The following LSM12 variants were observed in gnomAD, a reference collection of about 807,000 sequenced individuals.
LSM12 encodes protein LSM12.
For synonymous variants in LSM12, 74 were observed against 87.3 expected (o/e 0.85, Z 0.85); for missense variants, 108 against 238.9 (o/e 0.45, Z 3.61).
At chr17:44,060,730 T>C (rs1461041113) in intron 2 of LSM12, among the ~76,000 whole-genome samples, 1 of 152,156 alleles carries the variant, frequency 6.6e-6, no homozygotes, top group Non-Finnish European at 1.5e-5. Flanking sequence ...ACAATGCTAG[T>C]AAACAAGGAA....
At chr17:44,063,967 G>A in intron 1 of LSM12, 33 bp from the exon 2 acceptor site, 1 of 1,607,260 alleles carries the variant, frequency 6.2e-7, no homozygotes, top group Non-Finnish European at 8.5e-7. Context: ...AGGAAAAATA[G>A]GACAAGCAGA....
At chr17:44,045,432 G>A (rs1204445321) in intron 2 of LSM12, among the ~76,000 whole-genome samples, 1 of 152,110 alleles carries the variant, frequency 6.6e-6, no homozygotes, top group Non-Finnish European at 1.5e-5. Flanking sequence ...ACATTTCTGA[G>A]GTTCATCCAT....
intron 2 of LSM12, among the ~76,000 whole-genome samples, chr17:44,046,031 G>A (rs2049559359): frequency 6.7e-6 from 1 of 149,918 alleles, no homozygotes; most frequent in African/African-American, 2.5e-5. Flanking sequence ...CCGCCTCCTG[G>A]GTTCACGCCA....
intron 2 of LSM12, among the ~76,000 whole-genome samples, chr17:44,053,989 G>A (rs1316230350): frequency 1.3e-5 from 2 of 152,114 alleles, no homozygotes; most frequent in Non-Finnish European, 2.9e-5. Context: ...CTGTCTCCAC[G>A]TCAAGGGTAG....
chr17:44,043,946 C>G (rs900071510), intron 2 of LSM12, among the ~76,000 whole-genome samples: 1 of 152,108 alleles, frequency 6.6e-6, no homozygotes, highest in African/African-American at 2.4e-5. Flanking sequence ...AAACCTCAAT[C>G]CCCTTTAAAA....
chr17:44,058,986 G>T (rs1440680557), intron 2 of LSM12, among the ~76,000 whole-genome samples: 1 of 152,028 alleles, frequency 6.6e-6, no homozygotes, highest in African/African-American at 2.4e-5. Context: ...CCTGGGCACA[G>T]TGCGAGACTA....
At chr17:44,051,389 CAAAA>C (rs57974319) in intron 2 of LSM12, among the ~76,000 whole-genome samples, 5 of 114,954 alleles carry the variant, frequency 4.3e-5, no homozygotes, top group African/African-American at 2.0e-4. Context: ...GACTCCGTCT[CAAAA>C]AAAAAAAAAA....
intron 2 of LSM12, among the ~76,000 whole-genome samples, chr17:44,055,713 A>AATATATATATATAATATATAAT (rs2049704245): frequency 6.9e-6 from 1 of 145,164 alleles, no homozygotes; most frequent in African/African-American, 2.5e-5. Flanking sequence ...TAATATATAA[A>AATATATATATATAATATATAAT]ATATATATAA....
chr17:44,039,112 A>G (rs1426076162), intron 3 of LSM12, among the ~76,000 whole-genome samples: 1 of 152,096 alleles, frequency 6.6e-6, no homozygotes, highest in Non-Finnish European at 1.5e-5. Flanking sequence ...CTGGAATGCA[A>G]TGCACAATCT....
intron 2 of LSM12, among the ~76,000 whole-genome samples, chr17:44,062,302 C>T (rs2049808212): frequency 6.6e-6 from 1 of 151,964 alleles, no homozygotes; most frequent in Non-Finnish European, 1.5e-5. Context: ...AAAAGCATTC[C>T]CCTTTACTCT....
At chr17:44,064,565 A>T (rs367645027) in intron 1 of LSM12, among the ~76,000 whole-genome samples, 21 of 150,904 alleles carry the variant, frequency 1.4e-4, no homozygotes, top group African/African-American at 5.2e-4. Context: ...AAACCCCGTC[A>T]CTACCAAAAA....
chr17:44,066,693 C>T (rs1250848023), upstream of LSM12: 1 of 1,228,882 alleles, frequency 8.1e-7, no homozygotes, highest in Non-Finnish European at 1.0e-6. Context: ...GTGCTTGCGT[C>T]ACACGCCGGG....
At position 44,037,600 on chromosome 17, in the gene LSM12, G is replaced by C. The variant is rs141615861; in HGVS notation, c.369-62C>G. On this transcript the variant is annotated intron_variant, in intron 3 of 4. Transcript: ENST00000293406. ...TGGGGGCATCCCACATCTCCTGTCT[G>C]ATGAATAAATAACTCCAGAAGGCTG... 307 of 1,508,952 alleles carry C rather than the reference G, an allele frequency of 2.0e-4. 2 individuals carry two copies. In the East Asian group the frequency reaches 7.4e-3, roughly 36 times the overall value. 93.5% of individuals were successfully genotyped at this position (1,508,952 alleles called of 1,614,324 possible).
At chr17:44,059,935 C>A (rs979959545) in intron 2 of LSM12, among the ~76,000 whole-genome samples, 3 of 152,054 alleles carry the variant, frequency 2.0e-5, no homozygotes, top group African/African-American at 7.2e-5. Context: ...GAGGCCGAGG[C>A]GGGCGGATCA....
At chr17:44,067,291 C>T (rs1036847994), upstream of LSM12, among the ~76,000 whole-genome samples, 1 of 152,190 alleles carries the variant, frequency 6.6e-6, no homozygotes, top group Non-Finnish European at 1.5e-5. Flanking sequence ...CAGAGCGAGA[C>T]TCTGTCTCAA....
At chr17:44,037,198 A>T in intron 4 of LSM12, 1 of 451,518 alleles carries the variant, frequency 2.2e-6, no homozygotes, top group Non-Finnish European at 3.8e-6. Flanking sequence ...CAAAGGACAT[A>T]GGGTCACCCA....
chr17:44,041,790 T>C (rs1330586716), intron 2 of LSM12, among the ~76,000 whole-genome samples: 1 of 152,150 alleles, frequency 6.6e-6, no homozygotes, highest in East Asian at 1.9e-4. Context: ...TACAAATTTG[T>C]TTGAGTGTAA....
intron 2 of LSM12, among the ~76,000 whole-genome samples, chr17:44,041,020 T>TACACAC (rs368814549): frequency 0.019 from 2,841 of 148,070 alleles, 88 homozygotes; most frequent in African/African-American, 0.068. Context: ...TACATACACA[T>TACACAC]ACACACACAC....
At chr17:44,060,299 T>A (rs1173694666) in intron 2 of LSM12, among the ~76,000 whole-genome samples, 4 of 152,174 alleles carry the variant, frequency 2.6e-5, no homozygotes, top group African/African-American at 4.8e-5. Context: ...TAAATGATCC[T>A]CCATCTTAAG....
Sources: allele counts gnomAD v4.1 joint callset (sites outside exome capture counted in the v4.1 genomes callset), GRCh38; gene constraint gnomAD v4.1.1; transcripts MANE v1.5; gene names NCBI Gene and HGNC (gene_info 2026-07-23, HGNC 2026-07-21).